Variants in CDH1 observed in about 807,000 individuals in gnomAD.
CDH1 encodes the protein cadherin 1.
A neutral mutation model predicts 84.5 loss-of-function variants in CDH1; 35 were observed. That is an observed-to-expected ratio of 0.41 (90% CI 0.32 to 0.55). The LOEUF is 0.55. Ranked by LOEUF, CDH1 falls within the 20% of genes least tolerant of loss-of-function variation. The pLI is 0.19. For missense variants in CDH1, 994 were observed against 1,126.6 expected (o/e 0.88, Z 1.68); for synonymous variants, 417 against 439.0 (o/e 0.95, Z 0.63).
chr16:68,794,107 AC>A (rs1211742648), intron 2 of CDH1, among the ~76,000 whole-genome samples: 1 of 152,022 alleles, frequency 6.6e-6, no homozygotes, highest in Non-Finnish European at 1.5e-5. Context: ...ATCACAGCTC[AC>A]CGCAGCCTCG....
intron 12 of CDH1, chr16:68,822,897 A>T (rs992922911): frequency 3.2e-4 from 71 of 221,504 alleles, no homozygotes; most frequent in African/African-American, 1.5e-3. Flanking sequence ...GCCCTGGAGA[A>T]GAACCTGAAC....
In CDH1 at chr16:68,786,534, C is replaced by CTTTTTTTTTTTTTTTTTTTTTTTTTTTTT. The variant is rs3074434; in HGVS notation, c.164-15117_164-15116insTTTTTTTTTTTTTTTTTTTTTTTTTTTTT. Among the ~76,000 whole-genome samples the CTTTTTTTTTTTTTTTTTTTTTTTTTTTTT allele has an allele frequency of 1.1e-3, 80 of 73,940 alleles. 1 individual carries two copies. The highest frequency in any genetic ancestry group is 1.2e-3 in the African/African-American group (20 of 16,950). The allele number at this position is 73,940 out of a possible 152,430, so 48.5% of individuals were successfully genotyped here. On this transcript the variant is annotated intron_variant, in intron 2 of 15. Coordinates refer to ENST00000261769, the MANE Select transcript of CDH1 (RefSeq NM_004360.5). ...CTTTCTGCTTTCTTTTTTTTTTTTTCTTTTTTTTTTTTTTTTTTTGGTATT... is the reference window on the plus strand; with the variant it reads ...CTTTCTGCTTTCTTTTTTTTTTTTTCTTTTTTTTTTTTTTTTTTTTTTTTTTTTTTTTTTTTTTTTTTTTTTTTGGTATT...
chr16:68,746,373 C>T (rs184562141), intron 2 of CDH1, among the ~76,000 whole-genome samples: 505 of 151,918 alleles, frequency 3.3e-3, no homozygotes, highest in Middle Eastern at 6.8e-3. Flanking sequence ...TGCAGTGAGC[C>T]GAGATTGTGC....
chr16:68,829,890 TCC>T, intron 15 of CDH1, 93 bp downstream of exon 15: 4 of 1,315,826 alleles, frequency 3.0e-6, no homozygotes, highest in Non-Finnish European at 4.3e-6. Flanking sequence ...TTAGATTCTT[TCC>T]TTTACTATGT....
intron 2 of CDH1, among the ~76,000 whole-genome samples, chr16:68,792,348 G>A (rs1179674364): frequency 2.0e-5 from 3 of 151,702 alleles, no homozygotes; most frequent in African/African-American, 7.3e-5. Flanking sequence ...TCCTGCCTCA[G>A]CCTCCCGAGT....
intron 6 of CDH1, among the ~76,000 whole-genome samples, chr16:68,811,142 A>C (rs1960810882): frequency 6.6e-6 from 1 of 152,014 alleles, no homozygotes; most frequent in Admixed American, 6.5e-5. Context: ...TCACACCTGT[A>C]ACCCCAGCAC....
At chr16:68,738,485 C>T in intron 2 of CDH1, 74 bp downstream of exon 2, 1 of 1,031,684 alleles carries the variant, frequency 9.7e-7, no homozygotes, top group African/African-American at 1.6e-5. Flanking sequence ...TGCACTCCCA[C>T]ACCCCTGGGT....
chr16:68,821,860 A>T (rs1961151790), intron 11 of CDH1, 141 bp from the exon 12 acceptor site: 2 of 717,432 alleles, frequency 2.8e-6, no homozygotes, highest in African/African-American at 1.7e-5. Context: ...GATTGGTGGG[A>T]CAGGAGGTTC....
intron 15 of CDH1, 77 bp from the exon 16 acceptor site, chr16:68,833,213 A>G: frequency 2.3e-6 from 3 of 1,281,928 alleles, no homozygotes; most frequent in South Asian, 1.2e-5. Flanking sequence ...TACCTTACAT[A>G]TTGCTAGACT....
chr16:68,768,677 G>C (rs1959456794), intron 2 of CDH1, among the ~76,000 whole-genome samples: 1 of 152,184 alleles, frequency 6.6e-6, no homozygotes, highest in African/African-American at 2.4e-5. Context: ...TCCATAGGGA[G>C]ATACCATCTC....
chr16:68,770,600 G>C (rs566462782), intron 2 of CDH1, among the ~76,000 whole-genome samples: 54 of 152,078 alleles, frequency 3.6e-4, no homozygotes, highest in African/African-American at 1.2e-3. Context: ...AAACGGGGTA[G>C]GGAGTGCCTG....
intron 2 of CDH1, among the ~76,000 whole-genome samples, chr16:68,768,556 T>G (rs899425276): frequency 6.6e-6 from 1 of 152,130 alleles, no homozygotes; most frequent in Non-Finnish European, 1.5e-5. Flanking sequence ...TTGGAAAATA[T>G]AGATAGCTAA....
intron 2 of CDH1, among the ~76,000 whole-genome samples, chr16:68,757,291 G>A (rs1963040223): frequency 6.6e-6 from 1 of 152,130 alleles, no homozygotes; most frequent in Non-Finnish European, 1.5e-5. Context: ...GTTTCACCAT[G>A]TTGGCCAGGC....
intron 2 of CDH1, among the ~76,000 whole-genome samples, chr16:68,777,504 G>A (rs1392742146): frequency 6.7e-6 from 1 of 150,250 alleles, no homozygotes; most frequent in Non-Finnish European, 1.5e-5. Context: ...TGTTTGTGGG[G>A]TGGTAGTGTT....
intron 11 of CDH1, 31 bp downstream of exon 11, chr16:68,819,456 C>T (rs1479534687): frequency 6.2e-7 from 1 of 1,609,962 alleles, no homozygotes; most frequent in South Asian, 1.1e-5. Context: ...CCTTTGCTGC[C>T]TCGACCTCCT....
intron 2 of CDH1, among the ~76,000 whole-genome samples, chr16:68,760,162 C>G (rs954412454): frequency 1.2e-4 from 17 of 144,594 alleles, no homozygotes; most frequent in Non-Finnish European, 2.1e-4. Flanking sequence ...TGCAATGGTG[C>G]GCTCTCAGCT....
rs1254143781 is a variant in CDH1 at position 68,808,778 on chromosome 16, T to C, written c.617T>C (p.Ile206Thr). The change falls in exon 5 of 16, where the codon ATT becomes ACT. Residue 206 changes from isoleucine to threonine, a missense_variant. By Grantham distance (89) the Ile-to-Thr change is moderately conservative. Coordinates refer to ENST00000261769, the MANE Select transcript of CDH1 (RefSeq NM_004360.5). ...GACACACCCCCTGTTGGTGTCTTTA[T>C]TATTGAAAGAGAAACAGGATGGCTG... is the stretch of plus-strand genomic sequence containing the variant. Reference protein sequence around the residue: ...GADTPPVGVFIIERETGWLKV... With the variant: ...GADTPPVGVFTIERETGWLKV... 3.1e-6 allele frequency: 5 copies of C among 1,614,156 alleles called. No individual in the cohort carries two copies. The South Asian group carries it at 5.5e-5, about 18-fold the overall frequency.
intron 2 of CDH1, among the ~76,000 whole-genome samples, chr16:68,782,980 C>T (rs1381443997): frequency 1.3e-5 from 2 of 152,164 alleles, no homozygotes; most frequent in African/African-American, 2.4e-5. Flanking sequence ...CTCCCATATC[C>T]TAAGTGTCTC....
intron 2 of CDH1, among the ~76,000 whole-genome samples, chr16:68,793,985 C>T (rs1960283950): frequency 6.7e-6 from 1 of 150,330 alleles, no homozygotes; most frequent in Admixed American, 6.6e-5. Flanking sequence ...CCACACAGGA[C>T]TGCTCTATCT....
Sources: gnomAD v4.1 joint callset for allele counts (sites outside exome capture counted in the v4.1 genomes callset) on GRCh38, gnomAD v4.1.1 for gene constraint, MANE v1.5 for transcripts, NCBI Gene and HGNC (gene_info 2026-07-23, HGNC 2026-07-21) for gene names.